Variants in EXOC2 observed in about 807,000 individuals in gnomAD.
EXOC2 encodes the protein exocyst complex component 2.
EXOC2 carries 70 observed loss-of-function variants against 131.8 expected under a neutral mutation model. The ratio of observed to expected loss-of-function variants is 0.53; its 90% confidence interval spans 0.44 to 0.65. The LOEUF is 0.65. EXOC2 is among the 30% of genes least tolerant of loss of function. The pLI is 0.00. For synonymous variants in EXOC2, 411 were observed against 398.4 expected (o/e 1.03, Z -0.38); for missense variants, 923 against 1,108.6 (o/e 0.83, Z 2.38).
intron 22 of EXOC2, among the ~76,000 whole-genome samples, chr6:533,064 G>A (rs1283952671): frequency 1.3e-5 from 2 of 152,070 alleles, no homozygotes; most frequent in East Asian, 3.9e-4. Context: ...AAAACCATTA[G>A]ATCCCATTAG....
At chr6:650,394 C>T (rs969642801) in intron 1 of EXOC2, among the ~76,000 whole-genome samples, 2 of 152,186 alleles carry the variant, frequency 1.3e-5, no homozygotes, top group Non-Finnish European at 2.9e-5. Flanking sequence ...AATTCAGCAA[C>T]TAATGCATGA....
intron 5 of EXOC2, among the ~76,000 whole-genome samples, 171 bp downstream of exon 5, chr6:619,259 G>C (rs1219680684): frequency 6.6e-6 from 1 of 152,176 alleles, no homozygotes; most frequent in Non-Finnish European, 1.5e-5. Context: ...TGCACAAACA[G>C]GGAAACAGAC....
intron 24 of EXOC2, 100 bp downstream of exon 24, chr6:499,545 G>A: frequency 1.0e-6 from 1 of 996,518 alleles, no homozygotes; most frequent in Middle Eastern, 3.0e-4. Flanking sequence ...CACATTCTGA[G>A]GGAAAAAAAA....
At chr6:649,698 C>T (rs192968725) in intron 1 of EXOC2, among the ~76,000 whole-genome samples, 38 of 152,324 alleles carry the variant, frequency 2.5e-4, no homozygotes, top group African/African-American at 8.4e-4. Flanking sequence ...AATAAATATA[C>T]ACGCAAGAGT....
intron 11 of EXOC2, among the ~76,000 whole-genome samples, chr6:587,658 A>C (rs1424082000): frequency 2.0e-5 from 3 of 152,200 alleles, no homozygotes; most frequent in Non-Finnish European, 4.4e-5. Flanking sequence ...TATTTCACTA[A>C]TGGCGAATCC....
At chr6:584,873 G>C (rs1167185487) in intron 11 of EXOC2, among the ~76,000 whole-genome samples, 2 of 152,146 alleles carry the variant, frequency 1.3e-5, no homozygotes, top group African/African-American at 2.4e-5. Flanking sequence ...TAAGTTATCA[G>C]ACATAGCCAG....
chr6:686,199 T>C (rs375859984), intron 1 of EXOC2, among the ~76,000 whole-genome samples: 2 of 151,884 alleles, frequency 1.3e-5, no homozygotes, highest in Non-Finnish European at 2.9e-5. Context: ...CCTGACCTCA[T>C]GATTCGCCCT....
At chr6:518,085 T>C (rs903960197) in intron 23 of EXOC2, among the ~76,000 whole-genome samples, 53 of 152,368 alleles carry the variant, frequency 3.5e-4, no homozygotes, top group African/African-American at 1.3e-3. Context: ...TACGAGAATT[T>C]GAACATTGAC....
chr6:488,488 T>C (rs1483643649), intron 27 of EXOC2, among the ~76,000 whole-genome samples: 1 of 152,156 alleles, frequency 6.6e-6, no homozygotes, highest in Non-Finnish European at 1.5e-5. Flanking sequence ...TATATATGTA[T>C]ATATAAAACT....
At chr6:566,078 G>A (rs1757950091) in intron 13 of EXOC2, among the ~76,000 whole-genome samples, 1 of 151,954 alleles carries the variant, frequency 6.6e-6, no homozygotes, top group East Asian at 1.9e-4. Context: ...TTTCTTTGTA[G>A]AAATATGTTT....
rs867441078 is a variant in EXOC2 at position 658,669 on chromosome 6, T to A, written c.-43-20808A>T. ...TTTATATATATATATATATATATTT[T>A]TTTTTTTTTTAGACGAAGTCTTGCT... is the stretch of plus-strand genomic sequence containing the variant. On this transcript the variant is annotated intron_variant, in intron 1 of 27. Transcript: ENST00000230449. Among the ~76,000 whole-genome samples, 476 of 104,652 alleles carry A rather than the reference T, an allele frequency of 4.5e-3. 8 individuals are homozygous for A. Among genetic ancestry groups the A allele is most frequent in the African/African-American group, 0.01 (277 of 27,252 alleles). 68.7% of individuals were successfully genotyped at this position (104,652 alleles called of 152,430 possible).
intron 1 of EXOC2, among the ~76,000 whole-genome samples, chr6:690,211 C>A (rs1764853017): frequency 6.6e-6 from 1 of 152,100 alleles, no homozygotes; most frequent in South Asian, 2.1e-4. Context: ...TTAAAATGAG[C>A]CGAACCCGGT....
intron 10 of EXOC2, among the ~76,000 whole-genome samples, chr6:595,872 G>A (rs6939477): frequency 0.038 from 5,814 of 152,166 alleles, 468 homozygotes; most frequent in African/African-American, 0.13. Flanking sequence ...GCAGTTGGAT[G>A]ACAAATGTGT....
At position 680,380 on chromosome 6, in the gene EXOC2, T is replaced by C. The variant is rs148026743; in HGVS notation, c.-44+12639A>G. Among the ~76,000 whole-genome samples, 333 of 152,294 alleles carry C rather than the reference T, an allele frequency of 2.2e-3. 3 individuals are homozygous for C. Among genetic ancestry groups the C allele is most frequent in the African/African-American group, 7.5e-3 (313 of 41,560 alleles). On this transcript the variant is annotated intron_variant, in intron 1 of 27. Transcript: ENST00000230449. ...CTTTATACAAACAAGGGCCTATGCT[T>C]ATATGAATACAGAGAAAGGGCTAGA... is the stretch of plus-strand genomic sequence containing the variant.
chr6:637,229 C>T (rs1238226182), intron 2 of EXOC2, among the ~76,000 whole-genome samples: 1 of 152,164 alleles, frequency 6.6e-6, no homozygotes, highest in Non-Finnish European at 1.5e-5. Context: ...GATGAGGACA[C>T]ATGCCCGCCA....
intron 1 of EXOC2, among the ~76,000 whole-genome samples, chr6:645,561 T>G (rs1762541923): frequency 1.3e-5 from 2 of 149,400 alleles, no homozygotes; most frequent in Admixed American, 6.8e-5. Context: ...CATAAAGAAC[T>G]TTTGCAATCT....
chr6:583,426 G>A (rs1180957505), intron 11 of EXOC2, among the ~76,000 whole-genome samples: 1 of 152,068 alleles, frequency 6.6e-6, no homozygotes, highest in Non-Finnish European at 1.5e-5. Flanking sequence ...TAGCCTTTTT[G>A]GCCTGTGTGA....
intron 12 of EXOC2, among the ~76,000 whole-genome samples, chr6:574,145 T>C (rs1561874984): frequency 6.6e-6 from 1 of 152,226 alleles, no homozygotes; most frequent in Non-Finnish European, 1.5e-5. Context: ...GACAAGACTG[T>C]CTTCGGTCTT....
intron 18 of EXOC2, 150 bp from the exon 19 acceptor site, chr6:556,163 T>A: frequency 1.4e-6 from 1 of 725,714 alleles, no homozygotes; most frequent in Non-Finnish European, 2.3e-6. Flanking sequence ...GTGGGCCTAC[T>A]GGGAGGTGTT....
Sources: gnomAD v4.1 joint callset for allele counts (sites outside exome capture counted in the v4.1 genomes callset) on GRCh38, gnomAD v4.1.1 for gene constraint, MANE v1.5 for transcripts, NCBI Gene and HGNC (gene_info 2026-07-23, HGNC 2026-07-21) for gene names.